Variants in PIAS1 observed in about 807,000 individuals in gnomAD.
PIAS1 encodes protein inhibitor of activated STAT 1.
PIAS1 carries 6 observed loss-of-function variants against 71.3 expected under a neutral mutation model. That is an observed-to-expected ratio of 0.08 (90% CI 0.05 to 0.17). PIAS1 has a LOEUF of 0.17. PIAS1 is among the 10% of genes least tolerant of loss of function. The pLI, the probability that PIAS1 is intolerant of heterozygous loss-of-function variation, is 1.00. For missense variants in PIAS1, 555 were observed against 793.6 expected (o/e 0.70, Z 3.61); for synonymous variants, 303 against 292.9 (o/e 1.03, Z -0.35).
At chr15:68,112,886 C>T (rs554250531) in intron 2 of PIAS1, among the ~76,000 whole-genome samples, 4 of 152,172 alleles carry the variant, frequency 2.6e-5, no homozygotes, top group East Asian at 1.9e-4. Flanking sequence ...ATGATGCATC[C>T]ACCCACATAC....
intron 12 of PIAS1, among the ~76,000 whole-genome samples, chr15:68,183,110 A>G (rs531604151): frequency 2.6e-5 from 4 of 152,302 alleles, no homozygotes; most frequent in South Asian, 2.1e-4. Context: ...CAGGCACTCA[A>G]ACCTCTTCTC....
At chr15:68,112,905 A>G (rs1039307201) in intron 2 of PIAS1, among the ~76,000 whole-genome samples, 5 of 152,160 alleles carry the variant, frequency 3.3e-5, no homozygotes, top group Admixed American at 3.3e-4. Flanking sequence ...ACAACCAGGG[A>G]GGGAAGGATT....
chr15:68,132,081 C>G (rs1445327236), intron 2 of PIAS1, among the ~76,000 whole-genome samples: 2 of 151,404 alleles, frequency 1.3e-5, no homozygotes, highest in Non-Finnish European at 2.9e-5. Context: ...AAGAAGAACC[C>G]TAGAGGTAGT....
In PIAS1 at chr15:68,188,623, T is replaced by C. The variant is rs370065787; in HGVS notation, c.*788T>C. On this transcript the variant is annotated 3_prime_UTR_variant, in exon 14 of 14. Coordinates refer to ENST00000249636, the MANE Select transcript of PIAS1 (RefSeq NM_016166.3). The stretch of plus-strand genomic sequence containing the variant: ...ATTCTCTTATTTGCTCTGTACCCCC[T>C]GAGAATATGTTTTAGAGATATTGGA... The C allele has an allele frequency of 1.3e-5, 2 of 152,224 alleles. No individual in the cohort carries two copies. Among genetic ancestry groups the C allele is most frequent in the South Asian group, 2.1e-4 (1 of 4,828 alleles). The allele number at this position is 152,224 out of a possible 1,614,324, so 9.4% of individuals were successfully genotyped here.
At chr15:68,084,653 A>T (rs1274490624) in intron 1 of PIAS1, among the ~76,000 whole-genome samples, 1 of 152,030 alleles carries the variant, frequency 6.6e-6, no homozygotes, top group Admixed American at 6.6e-5. Context: ...GTCCTTTCTT[A>T]CTTGTTTATT....
Position 68,146,603 on chromosome 15 carries a change from A to T in PIAS1, c.731A>T (p.Lys244Met). 6.2e-7 allele frequency: 1 copy of T among 1,613,230 alleles called. No homozygotes were observed. Among genetic ancestry groups the T allele is most frequent in the Non-Finnish European group, 8.5e-7 (1 of 1,179,284 alleles). Reference sequence around the variant, plus strand: ...CCTACAAAAAATGGCGTGGAACCAAAGCGACCCAGCCGACCAATTAATATC... The same window carrying T: ...CCTACAAAAAATGGCGTGGAACCAATGCGACCCAGCCGACCAATTAATATC... ...LPPTKNGVEP[K>M]RPSRPINITS... Residue 244 changes from lysine to methionine, a missense_variant, in exon 6 of 14, where the codon AAG becomes ATG. Transcript: ENST00000249636.
At chr15:68,160,921 C>T (rs554278585) in intron 7 of PIAS1, among the ~76,000 whole-genome samples, 4 of 152,212 alleles carry the variant, frequency 2.6e-5, no homozygotes, top group Admixed American at 1.3e-4. Context: ...CTGCCCCTAG[C>T]GTTGCCCTAG....
At chr15:68,058,328 G>A (rs1276177164) in intron 1 of PIAS1, among the ~76,000 whole-genome samples, 1 of 152,176 alleles carries the variant, frequency 6.6e-6, no homozygotes, top group Non-Finnish European at 1.5e-5. Context: ...GTACTTTGCA[G>A]TTCATAATAT....
chr15:68,095,989 C>A (rs191665983), intron 2 of PIAS1, among the ~76,000 whole-genome samples: 3 of 152,066 alleles, frequency 2.0e-5, no homozygotes, highest in Non-Finnish European at 2.9e-5. Flanking sequence ...TATTACAGTA[C>A]AAAAGAAACC....
chr15:68,089,515 A>G (rs779186475), intron 2 of PIAS1, among the ~76,000 whole-genome samples: 1 of 152,140 alleles, frequency 6.6e-6, no homozygotes, highest in Non-Finnish European at 1.5e-5. Flanking sequence ...CCCAGCCAGA[A>G]TCAATTTCAC....
rs527987517 is a variant in PIAS1 at position 68,186,963 on chromosome 15, C to T, written c.1663-579C>T. On this transcript the variant is annotated intron_variant, in intron 13 of 13. Transcript: ENST00000249636. The surrounding 1 kb of genome is among the most constrained non-coding windows in gnomAD (Gnocchi z 4.4). Reference sequence around the variant, plus strand: ...CTCAAAACACATCCGTGTCATTAAGCGACGCATGACTGTATTTAAAAGTAT... The same window carrying T: ...CTCAAAACACATCCGTGTCATTAAGTGACGCATGACTGTATTTAAAAGTAT... Among the ~76,000 whole-genome samples, 85 of 152,278 alleles carry T rather than the reference C, an allele frequency of 5.6e-4. 1 individual carries two copies. The highest frequency in any genetic ancestry group is 3.4e-3 in the Middle Eastern group (1 of 294).
intron 2 of PIAS1, among the ~76,000 whole-genome samples, chr15:68,120,834 T>C (rs1439981715): frequency 1.3e-5 from 2 of 152,146 alleles, no homozygotes; most frequent in Admixed American, 1.3e-4. Context: ...TTTGTATTTT[T>C]AGTAGAGACA....
chr15:68,164,795 A>C lies in PIAS1; in HGVS notation c.999A>C (p.Leu333=). The part of the protein sequence containing the change: ...EIATTSLRVS[L]LCPLGKMRLT... The stretch of plus-strand genomic sequence containing the variant: ...CTACAACCAGCCTAAGGGTTTCTCT[A>C]CTATGTCCAGTAAGTGTTAACTATT... Residue 333 remains leucine (L), a synonymous_variant, in exon 8 of 14, where the codon CTA becomes CTC. Coordinates refer to ENST00000249636, the MANE Select transcript of PIAS1 (RefSeq NM_016166.3). The C allele has an allele frequency of 6.3e-7, 1 of 1,579,922 alleles. No individual in the cohort carries two copies.
intron 1 of PIAS1, among the ~76,000 whole-genome samples, chr15:68,062,681 A>G (rs1050411676): frequency 6.6e-6 from 1 of 152,156 alleles, no homozygotes; most frequent in Non-Finnish European, 1.5e-5. Context: ...TGGGCATTTA[A>G]ATGTGTATGT....
At chr15:68,155,794 C>G (rs994316732) in intron 7 of PIAS1, among the ~76,000 whole-genome samples, 3 of 152,164 alleles carry the variant, frequency 2.0e-5, no homozygotes, top group African/African-American at 7.2e-5. Flanking sequence ...CAGTCTTTTA[C>G]CAACTCTTAA....
At chr15:68,182,135 G>C (rs1227993913) in intron 12 of PIAS1, among the ~76,000 whole-genome samples, 6 of 151,348 alleles carry the variant, frequency 4.0e-5, no homozygotes, top group African/African-American at 1.5e-4. Context: ...TTTTAATTTT[G>C]TGGGTACATA....
intron 2 of PIAS1, among the ~76,000 whole-genome samples, chr15:68,132,551 A>G (rs553002081): frequency 6.6e-6 from 1 of 152,302 alleles, no homozygotes; most frequent in African/African-American, 2.4e-5. Flanking sequence ...AGATCTACAA[A>G]TATTCTTGTA....
intron 13 of PIAS1, 84 bp downstream of exon 13, chr15:68,183,751 C>A: frequency 1.6e-6 from 1 of 616,792 alleles, no homozygotes; most frequent in Non-Finnish European, 3.0e-6. Context: ...TGGTCAATGA[C>A]AGGCCATATA....
At chr15:68,093,241 C>T (rs1052284756) in intron 2 of PIAS1, among the ~76,000 whole-genome samples, 1 of 152,176 alleles carries the variant, frequency 6.6e-6, no homozygotes, top group African/African-American at 2.4e-5. Flanking sequence ...CAGCAACTTT[C>T]TTTTTAGACT....
Sources: gnomAD v4.1 joint callset for allele counts (sites outside exome capture counted in the v4.1 genomes callset) on GRCh38, gnomAD v4.1.1 for gene constraint, Gnocchi (gnomAD v3.1) non-coding constraint, MANE v1.5 for transcripts, NCBI Gene and HGNC (gene_info 2026-07-23, HGNC 2026-07-21) for gene names.